Variants in PDIA4 observed in about 807,000 individuals in gnomAD.
The protein encoded by PDIA4 is protein disulfide isomerase family A member 4.
A neutral mutation model predicts 62.1 loss-of-function variants in PDIA4; 33 were observed. That is an observed-to-expected ratio of 0.53 (90% CI 0.40 to 0.71). PDIA4 has a LOEUF of 0.71. Ranked by LOEUF, PDIA4 falls within the 30% of genes least tolerant of loss-of-function variation. The pLI is 0.00. For missense variants in PDIA4, 804 were observed against 813.6 expected (o/e 0.99, Z 0.14); for synonymous variants, 341 against 324.1 (o/e 1.05, Z -0.56).
Position 149,004,059 on chromosome 7 carries a change from C to T in PDIA4, c.1673G>A (p.Cys558Tyr). 6.2e-7 allele frequency: 1 copy of T among 1,614,206 alleles called. No individual in the cohort carries two copies. The highest frequency in any genetic ancestry group is 8.5e-7 in the Non-Finnish European group (1 of 1,180,040). The stretch of plus-strand genomic sequence containing the variant: ...GTTGTACACGGGCTCTAGCTGCTTG[C>T]AGTGCCCGCACCATGGCGCGTAGAA... ...IEFYAPWCGH[C>Y]KQLEPVYNSL... The change falls in exon 10 of 10, where the codon TGC (cysteine) becomes TAC (tyrosine). Residue 558 changes from cysteine to tyrosine, a missense_variant. Transcript: ENST00000652332.
chr7:149,022,654 G>A (rs1486608180), intron 1 of PDIA4, among the ~76,000 whole-genome samples: 1 of 152,032 alleles, frequency 6.6e-6, no homozygotes, highest in East Asian at 1.9e-4. Context: ...CCTGCCCCTG[G>A]GATCCCAGAA....
At chr7:149,016,350 T>C (rs1824139440) in intron 3 of PDIA4, among the ~76,000 whole-genome samples, 1 of 152,180 alleles carries the variant, frequency 6.6e-6, no homozygotes, top group South Asian at 2.1e-4. Flanking sequence ...GTTCTTTATG[T>C]ATGGATATGG....
chr7:149,025,706 C>T (rs989063317), intron 1 of PDIA4, among the ~76,000 whole-genome samples: 1 of 152,154 alleles, frequency 6.6e-6, no homozygotes, highest in Non-Finnish European at 1.5e-5. Context: ...CTTCCCAATA[C>T]GCCCAAAGTT....
At chr7:149,025,083 A>ATATATATATATATATAT (rs1335689422) in intron 1 of PDIA4, among the ~76,000 whole-genome samples, 2 of 21,858 alleles carry the variant, frequency 9.1e-5, no homozygotes, top group African/African-American at 1.3e-4. Context: ...AAAAAAAAAA[A>ATATATATATATATATAT]AAATATATAT....
chr7:149,012,053 T>A, intron 5 of PDIA4, 49 bp from the exon 6 acceptor site: 1 of 1,601,830 alleles, frequency 6.2e-7, no homozygotes, highest in South Asian at 1.1e-5. Context: ...ACTGCCCACT[T>A]CCCATGGCCC....
At chr7:149,021,859 G>C (rs151010153) in intron 1 of PDIA4, among the ~76,000 whole-genome samples, 2 of 152,044 alleles carry the variant, frequency 1.3e-5, no homozygotes, top group Non-Finnish European at 2.9e-5. Context: ...CGGTCTTCCC[G>C]GGCCTCGCTC....
intron 3 of PDIA4, among the ~76,000 whole-genome samples, chr7:149,017,665 CATTTT>C (rs1304035526): frequency 6.7e-6 from 1 of 149,436 alleles, no homozygotes; most frequent in African/African-American, 2.5e-5. Flanking sequence ...AAATAAAATA[CATTTT>C]ATCAAAATAA....
chr7:149,016,988 T>C (rs182043251), intron 3 of PDIA4, among the ~76,000 whole-genome samples: 4 of 152,324 alleles, frequency 2.6e-5, no homozygotes, highest in East Asian at 3.9e-4. Flanking sequence ...GTGAGTGCCA[T>C]TGCTTAAAGG....
chr7:149,019,111 T>C lies in PDIA4; in HGVS notation c.356A>G (p.Lys119Arg), dbSNP rs2129505241. The change falls in exon 3 of 10, where the codon AAG (lysine) becomes AGG (arginine). Residue 119 changes from lysine (K) to arginine (R), a missense_variant. By Grantham distance (26) the Lys-to-Arg change is conservative (BLOSUM62 2). Transcript: ENST00000652332. The part of the protein sequence containing the change: ...KDKDPPIPVA[K>R]IDATSASVLA... Reference sequence around the variant, plus strand: ...CACAGACGCTGAGGTTGCATCGATCTTGGCAACAGGAATGGGAGGATCTTT... The same window carrying C: ...CACAGACGCTGAGGTTGCATCGATCCTGGCAACAGGAATGGGAGGATCTTT... 1.9e-6 allele frequency: 3 copies of C among 1,613,828 alleles called. No individual in the cohort carries two copies. In the East Asian group the frequency reaches 6.7e-5, roughly 36 times the overall value.
intron 4 of PDIA4, among the ~76,000 whole-genome samples, chr7:149,014,088 C>T (rs1246608806): frequency 6.6e-6 from 1 of 152,258 alleles, no homozygotes; most frequent in African/African-American, 2.4e-5. Flanking sequence ...CACTTTTCAT[C>T]TGCACATCCA....
At position 149,012,138 on chromosome 7, in the gene PDIA4, G is replaced by C; in HGVS notation, c.820+17C>G. The C allele has an allele frequency of 1.9e-6, 3 of 1,613,610 alleles. No individual in the cohort carries two copies. Among genetic ancestry groups the C allele is most frequent in the South Asian group, 2.2e-5 (2 of 91,066 alleles). The stretch of plus-strand genomic sequence containing the variant: ...TTCCCTTCCCCACTGTAGTGGGAGA[G>C]AAGGGAGTGGCCATACCATATTTTT... On this transcript the variant is annotated intron_variant, in intron 5 of 9. Coordinates refer to ENST00000652332, the MANE Select transcript of PDIA4 (RefSeq NM_004911.5).
intron 6 of PDIA4, among the ~76,000 whole-genome samples, chr7:149,010,917 G>A (rs1447868857): frequency 3.3e-5 from 5 of 152,192 alleles, no homozygotes; most frequent in African/African-American, 7.2e-5. Flanking sequence ...TTGGGGCTAC[G>A]GAATCCCCTG....
intron 6 of PDIA4, among the ~76,000 whole-genome samples, chr7:149,011,083 T>C (rs531179730): frequency 8.4e-4 from 128 of 152,368 alleles, no homozygotes; most frequent in African/African-American, 2.9e-3. Context: ...ACAATTGTTA[T>C]TGTAAAGCAC....
In PDIA4 at chr7:149,012,273, C is replaced by T; in HGVS notation, c.702G>A (p.Lys234=). ...GGTCTGTTTCTGCGGTGGCGTCGAC[C>T]TTTGCCAGGGGAATTGGAGGAGAAC... ...SKRSPPIPLA[K]VDATAETDLA... is the part of the protein sequence containing the mutation. The change falls in exon 5 of 10, where the codon AAG becomes AAA. Residue 234 remains lysine (K), a synonymous_variant. Coordinates refer to ENST00000652332, the MANE Select transcript of PDIA4 (RefSeq NM_004911.5). The T allele has an allele frequency of 1.2e-6, 2 of 1,614,116 alleles. No homozygotes were observed. Among genetic ancestry groups the T allele is most frequent in the Non-Finnish European group, 1.7e-6 (2 of 1,180,010 alleles).
At position 149,003,280 on chromosome 7, in the gene PDIA4, G is replaced by A. The variant is rs1372511760; in HGVS notation, c.*514C>T. The A allele has an allele frequency of 6.5e-6, 1 of 153,724 alleles. No homozygotes were observed. Among genetic ancestry groups the A allele is most frequent in the Non-Finnish European group, 1.5e-5 (1 of 68,324 alleles). The allele number at this position is 153,724 out of a possible 1,614,324, so 9.5% of individuals were successfully genotyped here. ...GCCCCCAGCCCTTGGTTTGCAGGGA[G>A]GCCGCCTGGCGATGCCCAGCCTGAA... On this transcript the variant is annotated 3_prime_UTR_variant, in exon 10 of 10. Coordinates refer to ENST00000652332, the MANE Select transcript of PDIA4 (RefSeq NM_004911.5).
chr7:149,006,221 A>G, intron 7 of PDIA4, 168 bp from the exon 8 acceptor site: 1 of 600,562 alleles, frequency 1.7e-6, no homozygotes, highest in South Asian at 2.6e-5. Context: ...GTCATTCCCT[A>G]CCGTCTTTTG....
intron 9 of PDIA4, among the ~76,000 whole-genome samples, chr7:149,004,560 C>A (rs1192595597): frequency 1.3e-5 from 2 of 152,256 alleles, no homozygotes; most frequent in African/African-American, 4.8e-5. Flanking sequence ...ATCGGAACAG[C>A]ATGGCCTGCC....
intron 3 of PDIA4, among the ~76,000 whole-genome samples, chr7:149,018,183 C>T (rs1824210021): frequency 6.6e-6 from 1 of 151,844 alleles, no homozygotes; most frequent in Non-Finnish European, 1.5e-5. Flanking sequence ...GAGCTGAGAT[C>T]ATGCCACTGC....
chr7:149,007,873 G>A (rs1033636691), intron 7 of PDIA4, among the ~76,000 whole-genome samples: 5 of 152,260 alleles, frequency 3.3e-5, no homozygotes, highest in African/African-American at 1.2e-4. Context: ...TGCCTGCCAG[G>A]AGGGACAAAG....
Sources: gnomAD v4.1 joint callset for allele counts (sites outside exome capture counted in the v4.1 genomes callset) on GRCh38, gnomAD v4.1.1 for gene constraint, MANE v1.5 for transcripts, NCBI Gene and HGNC (gene_info 2026-07-23, HGNC 2026-07-21) for gene names.